The following SPIN1 variants were observed in gnomAD, a reference collection of about 807,000 sequenced individuals.
The protein encoded by SPIN1 is spindlin-1.
SPIN1 carries 3 observed loss-of-function variants against 26.0 expected under a neutral mutation model. The ratio of observed to expected loss-of-function variants is 0.12; its 90% confidence interval spans 0.05 to 0.30. The LOEUF (loss-of-function observed/expected upper bound fraction) is 0.30, where lower values mean the gene tolerates loss of function less well. Among genes scored for constraint, SPIN1 ranks in the 10% least tolerant of loss-of-function variants. The pLI is 1.00. For synonymous variants in SPIN1, 101 were observed against 116.5 expected, an observed-to-expected ratio of 0.87 and a Z score of 0.86; for missense variants, 126 against 333.4, an observed-to-expected ratio of 0.38 and a Z score of 4.84.
rs921642026 is a variant in SPIN1 at position 88,405,568 on chromosome 9, A to T, written c.-159+17030A>T. On this transcript the variant is annotated intron_variant, in intron 1 of 5. Transcript: ENST00000375859. ...TTTTTTTTTTTTTTCCCTGAGACAG[A>T]GTTTCGCTCTCGTTACCCAGGCTGG... Among the ~76,000 whole-genome samples, 3 of 88,532 alleles carry T rather than the reference A, an allele frequency of 3.4e-5. No individual in the cohort carries two copies. The Admixed American group carries it at 4.3e-4, about 13-fold the overall frequency. The allele number at this position is 88,532 out of a possible 152,430, so 58.1% of individuals were successfully genotyped here.
intron 1 of SPIN1, among the ~76,000 whole-genome samples, chr9:88,421,741 T>C (rs995064756): frequency 1.6e-4 from 25 of 152,016 alleles, no homozygotes; most frequent in African/African-American, 5.8e-4. Flanking sequence ...TTGAAGAGTA[T>C]GGCCCACTTT....
At chr9:88,394,408 T>C (rs1282183958) in intron 1 of SPIN1, among the ~76,000 whole-genome samples, 3 of 152,206 alleles carry the variant, frequency 2.0e-5, no homozygotes, top group Non-Finnish European at 2.9e-5. Context: ...TTCTTACTGT[T>C]AGAATGCCCA....
chr9:88,469,163 A>C (rs1828729478), intron 5 of SPIN1, among the ~76,000 whole-genome samples: 1 of 152,104 alleles, frequency 6.6e-6, no homozygotes. Flanking sequence ...GATTCCCATA[A>C]GGAACACACA....
chr9:88,442,474 GCTC>G, intron 2 of SPIN1, among the ~76,000 whole-genome samples: 2 of 150,590 alleles, frequency 1.3e-5, no homozygotes, highest in Admixed American at 6.6e-5. Context: ...CCTGATTTCA[GCTC>G]ACTGCAACCT....
At chr9:88,394,754 G>C (rs10868770) in intron 1 of SPIN1, among the ~76,000 whole-genome samples, 1 of 150,240 alleles carries the variant, frequency 6.7e-6, no homozygotes, top group African/African-American at 2.5e-5. Context: ...ATTAATTTGG[G>C]TTGTTTGCCT....
chr9:88,455,689 T>A (rs1272362971), intron 3 of SPIN1, among the ~76,000 whole-genome samples: 1 of 152,168 alleles, frequency 6.6e-6, no homozygotes, highest in Non-Finnish European at 1.5e-5. Flanking sequence ...AAATAAAAAG[T>A]TTTTAAGACT....
At chr9:88,473,485 G>A (rs754667715) in intron 5 of SPIN1, among the ~76,000 whole-genome samples, 1 of 152,124 alleles carries the variant, frequency 6.6e-6, no homozygotes, top group Non-Finnish European at 1.5e-5. Flanking sequence ...TCTTTAAAAA[G>A]CATTTCTCCA....
At chr9:88,397,602 C>G (rs1827095250) in intron 1 of SPIN1, among the ~76,000 whole-genome samples, 1 of 151,642 alleles carries the variant, frequency 6.6e-6, no homozygotes. Flanking sequence ...TCATCACCGA[C>G]TCCAACAAGC....
At chr9:88,420,402 A>G (rs1392541496) in intron 1 of SPIN1, among the ~76,000 whole-genome samples, 1 of 152,158 alleles carries the variant, frequency 6.6e-6, no homozygotes, top group Non-Finnish European at 1.5e-5. Flanking sequence ...AACAAAACAA[A>G]AGAGTTTTAC....
intron 5 of SPIN1, among the ~76,000 whole-genome samples, chr9:88,471,654 C>CAA (rs1166469042): frequency 0.069 from 4,090 of 59,272 alleles, 592 homozygotes; most frequent in Middle Eastern, 0.11. Context: ...GACTCTGTCT[C>CAA]AAAAAAAAAA....
intron 1 of SPIN1, among the ~76,000 whole-genome samples, chr9:88,408,906 C>T (rs141370601): frequency 0.019 from 2,911 of 151,964 alleles, 72 homozygotes; most frequent in African/African-American, 0.063. Flanking sequence ...TCGTGATCCG[C>T]CCGCCTGGGC....
At chr9:88,407,681 G>A (rs1030205900) in intron 1 of SPIN1, among the ~76,000 whole-genome samples, 1 of 149,206 alleles carries the variant, frequency 6.7e-6, no homozygotes, top group Admixed American at 6.7e-5. Context: ...CTATTGAATT[G>A]TATCTTCAGT....
intron 3 of SPIN1, among the ~76,000 whole-genome samples, chr9:88,453,801 C>T (rs192261063): frequency 2.0e-5 from 3 of 152,306 alleles, no homozygotes; most frequent in East Asian, 1.9e-4. Flanking sequence ...GCTGGGATTA[C>T]AGGCGGGAGC....
intron 1 of SPIN1, among the ~76,000 whole-genome samples, chr9:88,418,410 T>C (rs1000995063): frequency 6.6e-6 from 1 of 152,238 alleles, no homozygotes; most frequent in Non-Finnish European, 1.5e-5. Flanking sequence ...TTAGGTCTTG[T>C]TGCATACCAA....
At chr9:88,415,357 T>C (rs904424296) in intron 1 of SPIN1, among the ~76,000 whole-genome samples, 1 of 152,198 alleles carries the variant, frequency 6.6e-6, no homozygotes, top group African/African-American at 2.4e-5. Context: ...TTTTAATCTT[T>C]GAAGTTTTAG....
At chr9:88,435,525 G>T (rs1167311426) in intron 2 of SPIN1, among the ~76,000 whole-genome samples, 1 of 152,200 alleles carries the variant, frequency 6.6e-6, no homozygotes. Flanking sequence ...AGTCTTGCCA[G>T]TGACATATGT....
In SPIN1 at chr9:88,439,438, C is replaced by A. The variant is rs533387759; in HGVS notation, c.53-9503C>A. Among the ~76,000 whole-genome samples, 67 of 152,192 alleles carry A rather than the reference C, an allele frequency of 4.4e-4. 1 individual carries two copies. Among genetic ancestry groups the A allele is most frequent in the African/African-American group, 1.5e-3 (63 of 41,478 alleles). On this transcript the variant is annotated intron_variant, in intron 2 of 5. Transcript: ENST00000375859. ...TTATTTAAAATATTACATAAAATTA[C>A]TTTCAGGGGGTATATAGAAGGTTTA...
At chr9:88,429,315 A>G (rs1402920348) in intron 2 of SPIN1, among the ~76,000 whole-genome samples, 1 of 152,114 alleles carries the variant, frequency 6.6e-6, no homozygotes, top group Non-Finnish European at 1.5e-5. Flanking sequence ...CTGTCCACCT[A>G]GAGACAGCAT....
intron 1 of SPIN1, among the ~76,000 whole-genome samples, chr9:88,389,580 T>C (rs536058001): frequency 6.6e-6 from 1 of 152,374 alleles, no homozygotes; most frequent in East Asian, 1.9e-4. Flanking sequence ...ATGGTAAATA[T>C]GGATTGTTTG....
Sources: gnomAD v4.1 joint callset for allele counts (sites outside exome capture counted in the v4.1 genomes callset) on GRCh38, gnomAD v4.1.1 for gene constraint, MANE v1.5 for transcripts, NCBI Gene and HGNC (gene_info 2026-07-23, HGNC 2026-07-21) for gene names.